TAAR5: variants seen among roughly 807,000 people sequenced by gnomAD.
TAAR5 encodes trace amine associated receptor 5, also known as trace amine-associated receptor 5.
A neutral mutation model predicts 21.1 loss-of-function variants in TAAR5; 27 were observed. That is an observed-to-expected ratio of 1.28 (90% CI 0.94 to 1.76). The LOEUF is 1.76. Ranked by LOEUF, TAAR5 falls within the 40% of genes most tolerant of loss-of-function variation. The pLI, the probability that TAAR5 is intolerant of heterozygous loss-of-function variation, is 0.00. For missense variants in TAAR5, 495 were observed against 405.6 expected, an observed-to-expected ratio of 1.22 and a Z score of -1.89; for synonymous variants, 203 against 167.5, an observed-to-expected ratio of 1.21 and a Z score of -1.64.
chr6:132,607,785 C>T, the TAAR5 span, among the ~76,000 whole-genome samples: 5 of 152,070 alleles, frequency 3.3e-5, no homozygotes, highest in African/African-American at 7.2e-5. Flanking sequence ...TAAGGCAGGC[C>T]GCTAGTTGTT....
the TAAR5 span, among the ~76,000 whole-genome samples, chr6:132,615,457 G>T: frequency 6.7e-6 from 1 of 149,798 alleles, no homozygotes; most frequent in African/African-American, 2.4e-5. Context: ...TAAAAAAAAA[G>T]CCAGTTAAAA....
At chr6:132,598,944 C>T in the TAAR5 span, among the ~76,000 whole-genome samples, 1 of 152,182 alleles carries the variant, frequency 6.6e-6, no homozygotes, top group Non-Finnish European at 1.5e-5. Flanking sequence ...TTACCAAATG[C>T]TTGATAATGC....
upstream of TAAR5, among the ~76,000 whole-genome samples, chr6:132,593,425 A>C (rs999824250): frequency 5.3e-5 from 8 of 152,178 alleles, no homozygotes; most frequent in Admixed American, 1.3e-4. Flanking sequence ...GAACCGAGTG[A>C]CTTTTAATAC....
the TAAR5 span, among the ~76,000 whole-genome samples, chr6:132,607,453 T>A: frequency 1.3e-5 from 2 of 152,068 alleles, no homozygotes; most frequent in African/African-American, 4.8e-5. Flanking sequence ...ATAGGTATTA[T>A]GGTGTCATGA....
chr6:132,605,573 T>G, the TAAR5 span, among the ~76,000 whole-genome samples: 2 of 152,240 alleles, frequency 1.3e-5, no homozygotes, highest in East Asian at 1.9e-4. Flanking sequence ...TTAAATCCTC[T>G]AATCCTGCTT....
chr6:132,594,304 C>G (rs1038499524), upstream of TAAR5: 4 of 152,122 alleles, frequency 2.6e-5, no homozygotes, highest in Non-Finnish European at 5.9e-5. Flanking sequence ...ATCTCCTTAT[C>G]TGGTCAATTC....
At chr6:132,596,328 G>A in the TAAR5 span, among the ~76,000 whole-genome samples, 1 of 152,148 alleles carries the variant, frequency 6.6e-6, no homozygotes, top group Non-Finnish European at 1.5e-5. Flanking sequence ...TCCAGAGTAT[G>A]ACATGTTTTG....
the TAAR5 span, among the ~76,000 whole-genome samples, chr6:132,599,323 CTT>C: frequency 2.8e-3 from 273 of 98,442 alleles, no homozygotes; most frequent in African/African-American, 9.4e-3. Context: ...CTTTTCTTTT[CTT>C]TTTTTTTTTT....
the TAAR5 span, among the ~76,000 whole-genome samples, chr6:132,613,978 A>G: frequency 2.0e-5 from 3 of 152,230 alleles, no homozygotes; most frequent in Non-Finnish European, 4.4e-5. Context: ...AAATAAATGT[A>G]AATTATAATT....
the TAAR5 span, among the ~76,000 whole-genome samples, chr6:132,598,673 G>A: frequency 8.5e-5 from 13 of 152,130 alleles, no homozygotes; most frequent in African/African-American, 1.9e-4. Flanking sequence ...CTTTTGACCC[G>A]TGTGTCTTTT....
chr6:132,597,617 T>C, the TAAR5 span, among the ~76,000 whole-genome samples: 2 of 152,202 alleles, frequency 1.3e-5, no homozygotes, highest in African/African-American at 4.8e-5. Context: ...GGCATCTCAC[T>C]TTTTTCATGG....
At chr6:132,591,689 C>G (rs1411053943), upstream of TAAR5, among the ~76,000 whole-genome samples, 1 of 152,140 alleles carries the variant, frequency 6.6e-6, no homozygotes, top group East Asian at 1.9e-4. Flanking sequence ...TGACCAAGAA[C>G]TTGTGAAAAA....
At chr6:132,593,389 T>G (rs1417017706), upstream of TAAR5, among the ~76,000 whole-genome samples, 1 of 152,176 alleles carries the variant, frequency 6.6e-6, no homozygotes, top group Non-Finnish European at 1.5e-5. Context: ...ACTTGGCACA[T>G]AGTAGGTGCT....
rs139894475 is a variant in TAAR5, at chr6:132,589,255, G to C, written c.432C>G (p.Ser144=). The C allele has an allele frequency of 1.5e-3, 2,395 of 1,609,004 alleles. 9 individuals are homozygous for C. The highest frequency in any genetic ancestry group is 0.011 in the Middle Eastern group (69 of 6,042). ...CAICDPLLYP[S]KFTVRVALRY... is the part of the protein sequence containing the mutation. ...TGAGAGCCACCCTCACTGTGAACTT[G>C]GAGGGATAGAGCAGGGGGTCACAGA... The change falls in exon 1 of 1, where the codon TCC becomes TCG. Residue 144 remains serine (S), a synonymous_variant. Coordinates refer to ENST00000258034, the MANE Select transcript of TAAR5 (RefSeq NM_003967.3).
At chr6:132,606,520 G>A in the TAAR5 span, among the ~76,000 whole-genome samples, 1 of 152,170 alleles carries the variant, frequency 6.6e-6, no homozygotes, top group Admixed American at 6.5e-5. Context: ...TCCCTTCCTA[G>A]ATAGAGCCAA....
rs761650348 is a variant in TAAR5, at chr6:132,588,944, C to G, written c.743G>C (p.Arg248Thr). ...KSLAGAAKHE[R>T]KAAKTLGIAV... Reference sequence around the variant, plus strand: ...AATGCCCAGGGTCTTGGCAGCTTTTCTCTCATGCTTGGCAGCCCCAGCCAG... The same window carrying G: ...AATGCCCAGGGTCTTGGCAGCTTTTGTCTCATGCTTGGCAGCCCCAGCCAG... The change falls in exon 1 of 1, where the codon AGA becomes ACA. Residue 248 changes from arginine to threonine, a missense_variant. Coordinates refer to ENST00000258034, the MANE Select transcript of TAAR5 (RefSeq NM_003967.3). The G allele has an allele frequency of 3.1e-6, 5 of 1,614,100 alleles. No individual in the cohort carries two copies. Among genetic ancestry groups the G allele is most frequent in the Admixed American group, 1.7e-5 (1 of 60,022 alleles).
chr6:132,600,851 AGGAG>A, the TAAR5 span, among the ~76,000 whole-genome samples: 1 of 125,882 alleles, frequency 7.9e-6, no homozygotes, highest in Non-Finnish European at 1.7e-5. Flanking sequence ...GAAGGAAGGA[AGGAG>A]GGAAGGAAGG....
the TAAR5 span, among the ~76,000 whole-genome samples, chr6:132,603,151 AAT>A: frequency 6.6e-6 from 1 of 151,866 alleles, no homozygotes; most frequent in East Asian, 1.9e-4. Flanking sequence ...AAAAGTAAAA[AAT>A]TGGCCTGGTG....
chr6:132,589,590 T>A lies in TAAR5; in HGVS notation c.97A>T (p.Ile33Phe), dbSNP rs781672489. ...CAGGCCAGGTAGATGACCAACTGGA[T>A]GCCCAGAGTATGTACTGTCCTGGGG... The part of the protein sequence containing the change: ...SCPRTVHTLG[I>F]QLVIYLACAA... Residue 33 changes from isoleucine to phenylalanine, a missense_variant, in exon 1 of 1, where the codon ATC (isoleucine) becomes TTC (phenylalanine). Physicochemically the swap from Ile to Phe is conservative, Grantham distance 21. Coordinates refer to ENST00000258034, the MANE Select transcript of TAAR5 (RefSeq NM_003967.3). 12 of 1,613,910 alleles carry A rather than the reference T, an allele frequency of 7.4e-6. No homozygotes were observed. The highest frequency in any genetic ancestry group is 1.0e-5 in the Non-Finnish European group (12 of 1,179,928).
Sources: gnomAD v4.1 joint callset for allele counts (sites outside exome capture counted in the v4.1 genomes callset) on GRCh38, gnomAD v4.1.1 for gene constraint, MANE v1.5 for transcripts, NCBI Gene and HGNC (gene_info 2026-07-23, HGNC 2026-07-21) for gene names.